The following KCNK13 variants were observed in gnomAD, a reference collection of about 807,000 sequenced individuals.
KCNK13 encodes the protein potassium two pore domain channel subfamily K member 13.
In KCNK13, 12 loss-of-function variants were observed where a neutral mutation model predicts 23.4. The ratio of observed to expected loss-of-function variants is 0.51; its 90% confidence interval spans 0.33 to 0.83. The LOEUF is 0.83. KCNK13 is among the 40% of genes least tolerant of loss of function. The pLI, the probability that KCNK13 is intolerant of heterozygous loss-of-function variation, is 0.02. For synonymous variants in KCNK13, 231 were observed against 229.5 expected (o/e 1.01, Z -0.06); for missense variants, 463 against 556.3 (o/e 0.83, Z 1.69).
intron 1 of KCNK13, among the ~76,000 whole-genome samples, chr14:90,147,095 T>G (rs1890081439): frequency 6.6e-6 from 1 of 152,222 alleles, no homozygotes; most frequent in African/African-American, 2.4e-5. Flanking sequence ...ATAATGTGTT[T>G]GCATTTCTAT....
At chr14:90,153,700 G>A (rs1258332800) in intron 1 of KCNK13, among the ~76,000 whole-genome samples, 1 of 152,194 alleles carries the variant, frequency 6.6e-6, no homozygotes, top group Non-Finnish European at 1.5e-5. Flanking sequence ...GTCATCAGGA[G>A]TACTGAAAAG....
chr14:90,165,193 G>T (rs1327002296), intron 1 of KCNK13, among the ~76,000 whole-genome samples: 1 of 152,122 alleles, frequency 6.6e-6, no homozygotes, highest in Non-Finnish European at 1.5e-5. Context: ...CTCCCACTGG[G>T]TCCCTCCCAC....
intron 1 of KCNK13, among the ~76,000 whole-genome samples, chr14:90,090,108 A>G (rs1889324613): frequency 6.6e-6 from 1 of 152,218 alleles, no homozygotes; most frequent in Non-Finnish European, 1.5e-5. Flanking sequence ...GAAGAAAGCC[A>G]CTATCCTCCA....
intron 1 of KCNK13, among the ~76,000 whole-genome samples, chr14:90,166,941 G>A (rs760186809): frequency 2.6e-5 from 4 of 152,148 alleles, no homozygotes; most frequent in Non-Finnish European, 5.9e-5. Flanking sequence ...TTTTACCAAA[G>A]GGACAACCAG....
At chr14:90,123,882 C>A (rs376765352) in intron 1 of KCNK13, among the ~76,000 whole-genome samples, 105 of 152,260 alleles carry the variant, frequency 6.9e-4, no homozygotes, top group African/African-American at 2.5e-3. Context: ...GTGACTCAAC[C>A]CCAGCTTCCC....
chr14:90,184,232 C>T lies in KCNK13; in HGVS notation c.456C>T (p.Ile152=). The change falls in exon 2 of 2, where the codon ATC becomes ATT. Residue 152 remains isoleucine, a synonymous_variant. Transcript: ENST00000282146. The surrounding 1 kb of genome is among the most constrained non-coding windows in gnomAD (Gnocchi z 5.6). ...FNLFLERLIT[I]IAYIMKSCHQ... ...TCTTCCTGGAGCGCCTGATCACCATCATCGCCTACATCATGAAGTCGTGCC... is the reference window on the plus strand; with the variant it reads ...TCTTCCTGGAGCGCCTGATCACCATTATCGCCTACATCATGAAGTCGTGCC... 1 of 1,614,266 alleles carries T rather than the reference C, an allele frequency of 6.2e-7. No homozygotes were observed. The highest frequency in any genetic ancestry group is 8.5e-7 in the Non-Finnish European group (1 of 1,180,050).
rs533439295 is a variant in KCNK13 at position 90,156,329 on chromosome 14, G to A, written c.335-27782G>A. Among the ~76,000 whole-genome samples the A allele has an allele frequency of 2.0e-5, 3 of 152,222 alleles. No homozygotes were observed. In the East Asian group the frequency reaches 5.8e-4, roughly 29 times the overall value. Reference sequence around the variant, plus strand: ...AGGCCCCAGGACTGAGGGATGGGGTGCCCCAATACTTAAAAGACAGAAATA... The same window carrying A: ...AGGCCCCAGGACTGAGGGATGGGGTACCCCAATACTTAAAAGACAGAAATA... On this transcript the variant is annotated intron_variant, in intron 1 of 1. Coordinates refer to ENST00000282146, the MANE Select transcript of KCNK13 (RefSeq NM_022054.4).
At chr14:90,096,855 C>A (rs1195474679) in intron 1 of KCNK13, among the ~76,000 whole-genome samples, 1 of 152,172 alleles carries the variant, frequency 6.6e-6, no homozygotes, top group Admixed American at 6.5e-5. Context: ...ACCCCTCAGC[C>A]CTGAGTTTTT....
At chr14:90,080,565 C>G (rs907218484) in intron 1 of KCNK13, among the ~76,000 whole-genome samples, 1 of 152,146 alleles carries the variant, frequency 6.6e-6, no homozygotes, top group Non-Finnish European at 1.5e-5. Context: ...TTTATTGTTA[C>G]TATCTTAGGA....
intron 1 of KCNK13, among the ~76,000 whole-genome samples, chr14:90,121,886 A>G (rs1889743700): frequency 6.6e-6 from 1 of 151,706 alleles, no homozygotes; most frequent in Non-Finnish European, 1.5e-5. Context: ...CGCCTGGCTA[A>G]TTTTTGTATT....
At chr14:90,116,648 G>A (rs1410453851) in intron 1 of KCNK13, among the ~76,000 whole-genome samples, 1 of 152,142 alleles carries the variant, frequency 6.6e-6, no homozygotes, top group Admixed American at 6.5e-5. Context: ...AGCAGGCAGC[G>A]TGAGCTTCGG....
At chr14:90,152,790 G>C (rs967521108) in intron 1 of KCNK13, among the ~76,000 whole-genome samples, 2 of 152,084 alleles carry the variant, frequency 1.3e-5, no homozygotes, top group African/African-American at 4.8e-5. Flanking sequence ...AGTCTTTAAT[G>C]GTCCCATATG....
intron 1 of KCNK13, among the ~76,000 whole-genome samples, chr14:90,103,585 G>A (rs1228120731): frequency 6.6e-6 from 1 of 152,018 alleles, no homozygotes; most frequent in Admixed American, 6.6e-5. Context: ...CTTTTCTTGG[G>A]GGACGGAGTT....
intron 1 of KCNK13, among the ~76,000 whole-genome samples, chr14:90,115,390 C>T (rs1445478750): frequency 2.0e-5 from 3 of 152,140 alleles, no homozygotes; most frequent in Admixed American, 6.5e-5. Context: ...AATTCAGAAC[C>T]GGGGGATCCC....
At chr14:90,183,450 A>C (rs565208839) in intron 1 of KCNK13, among the ~76,000 whole-genome samples, 1 of 139,844 alleles carries the variant, frequency 7.2e-6, no homozygotes, top group East Asian at 2.8e-4. Flanking sequence ...TGCCTGCCTA[A>C]CTCCTCTTTA....
chr14:90,094,645 C>CTTTTTTT (rs778654067), intron 1 of KCNK13, among the ~76,000 whole-genome samples: 11 of 111,648 alleles, frequency 9.9e-5, no homozygotes, highest in Non-Finnish European at 2.0e-4. Context: ...TCTTTTTTTT[C>CTTTTTTT]TTTTTTTTTT....
intron 1 of KCNK13, among the ~76,000 whole-genome samples, chr14:90,174,573 C>T (rs367736709): frequency 8.5e-5 from 13 of 152,178 alleles, no homozygotes; most frequent in East Asian, 7.7e-4. Flanking sequence ...GAGGTCAGGC[C>T]GGGCATGGTG....
intron 1 of KCNK13, among the ~76,000 whole-genome samples, chr14:90,163,884 G>T (rs1890276129): frequency 6.6e-6 from 1 of 152,170 alleles, no homozygotes; most frequent in African/African-American, 2.4e-5. Context: ...TAGAGATGGG[G>T]TTTCACCATG....
intron 1 of KCNK13, among the ~76,000 whole-genome samples, chr14:90,163,285 CG>C (rs1345501571): frequency 1.3e-5 from 2 of 152,122 alleles, no homozygotes; most frequent in Non-Finnish European, 1.5e-5. Flanking sequence ...GGAAGAGAAA[CG>C]CAAGTTAGGT....
Sources: allele counts gnomAD v4.1 joint callset (sites outside exome capture counted in the v4.1 genomes callset), GRCh38; gene constraint gnomAD v4.1.1; non-coding constraint Gnocchi (gnomAD v3.1); transcripts MANE v1.5; gene names NCBI Gene and HGNC (gene_info 2026-07-23, HGNC 2026-07-21).